The following RTN4R variants were observed in gnomAD, a reference collection of about 807,000 sequenced individuals.
RTN4R encodes the protein reticulon 4 receptor.
RTN4R carries 4 observed loss-of-function variants against 27.7 expected under a neutral mutation model. That is an observed-to-expected ratio of 0.14 (90% CI 0.07 to 0.33). The LOEUF is 0.33. RTN4R is among the 10% of genes least tolerant of loss of function. The pLI is 1.00. For missense variants in RTN4R, 554 were observed against 671.5 expected (o/e 0.83, Z 1.93); for synonymous variants, 290 against 305.6 (o/e 0.95, Z 0.53).
rs1457325051 is a variant in RTN4R, at chr22:20,242,446, C to G, written c.687G>C (p.Met229Ile). 1.9e-6 allele frequency: 3 copies of G among 1,613,564 alleles called. No homozygotes were observed. Among genetic ancestry groups the G allele is most frequent in the Non-Finnish European group, 1.7e-6 (2 of 1,179,982 alleles). ...GATTGTTGGCAAACAGATAGAGTGT[C>G]ATGAGGCGGCCAAGGTCACGGAAGG... ...PHAFRDLGRL[M>I]TLYLFANNLS... The change falls in exon 2 of 2, where the codon ATG becomes ATC. Residue 229 changes from methionine (M) to isoleucine (I), a missense_variant. By Grantham distance (10) the Met-to-Ile change is conservative. Coordinates refer to ENST00000043402, the MANE Select transcript of RTN4R (RefSeq NM_023004.6).
chr22:20,251,558 G>T (rs855077), intron 1 of RTN4R, among the ~76,000 whole-genome samples: 36,861 of 139,430 alleles, frequency 0.26, 5,212 homozygotes, highest in Non-Finnish European at 0.34. Flanking sequence ...ATAATCATCA[G>T]CAGCAGCATC....
In RTN4R at chr22:20,243,240, C is replaced by T. The variant is rs2051120280; in HGVS notation, c.23-130G>A. The T allele has an allele frequency of 8.2e-6, 7 of 850,872 alleles. No individual in the cohort carries two copies. In the South Asian group the frequency reaches 9.7e-5, roughly 12 times the overall value. 52.7% of individuals were successfully genotyped at this position (850,872 alleles called of 1,614,324 possible). ...CCTGGGGCTGGGTCCAAGATGTGGC[C>T]ACCACCCCCGGGAATCGCAGTGTTG... On this transcript the variant is annotated intron_variant, in intron 1 of 1. Transcript: ENST00000043402.
intron 1 of RTN4R, 143 bp downstream of exon 1, chr22:20,267,928 A>C (rs969207101): frequency 1.3e-5 from 5 of 394,538 alleles, no homozygotes; most frequent in Non-Finnish European, 1.6e-5. Context: ...CTGGCGCGGC[A>C]CTGCGGTGGC....
intron 1 of RTN4R, among the ~76,000 whole-genome samples, chr22:20,252,929 C>T (rs1170843026): frequency 1.3e-5 from 2 of 152,188 alleles, no homozygotes; most frequent in East Asian, 3.9e-4. Context: ...CCCAAAGAAA[C>T]CCCACCCAGG....
In RTN4R at chr22:20,257,189, C is replaced by T. The variant is rs1033422054; in HGVS notation, c.22+10882G>A. On this transcript the variant is annotated intron_variant, in intron 1 of 1. Coordinates refer to ENST00000043402, the MANE Select transcript of RTN4R (RefSeq NM_023004.6). The stretch of plus-strand genomic sequence containing the variant: ...GAGCCTTGGCCCACAGCCCATGAGG[C>T]AACGGATGTTCCTGGGTTGGGGGCA... Among the ~76,000 whole-genome samples, 17 of 152,384 alleles carry T rather than the reference C, an allele frequency of 1.1e-4. 1 individual carries two copies. Among genetic ancestry groups the T allele is most frequent in the Admixed American group, 9.1e-4 (14 of 15,310 alleles).
chr22:20,244,417 A>T (rs1207251198), intron 1 of RTN4R, among the ~76,000 whole-genome samples: 1 of 152,218 alleles, frequency 6.6e-6, no homozygotes, highest in African/African-American at 2.4e-5. Context: ...CAGCACGCGC[A>T]GTGACCGCTG....
chr22:20,257,148 G>A (rs1311966800), intron 1 of RTN4R, among the ~76,000 whole-genome samples: 1 of 152,250 alleles, frequency 6.6e-6, no homozygotes, highest in East Asian at 1.9e-4. Flanking sequence ...TCCCCAGGAT[G>A]TCCAGCCCTG....
chr22:20,251,769 C>T (rs1194916735), intron 1 of RTN4R, among the ~76,000 whole-genome samples: 3 of 147,808 alleles, frequency 2.0e-5, no homozygotes, highest in African/African-American at 7.4e-5. Flanking sequence ...TCATCCTCAT[C>T]ACCATCCTCA....
chr22:20,260,550 C>T (rs2051239644), intron 1 of RTN4R, among the ~76,000 whole-genome samples: 1 of 152,174 alleles, frequency 6.6e-6, no homozygotes, highest in Non-Finnish European at 1.5e-5. Context: ...AGCCCTCCCT[C>T]GACAGCCGTG....
chr22:20,253,733 T>G (rs1009693760), intron 1 of RTN4R, among the ~76,000 whole-genome samples: 1 of 152,154 alleles, frequency 6.6e-6, no homozygotes, highest in African/African-American at 2.4e-5. Flanking sequence ...ATCTAATTTG[T>G]GTCTTCCTAG....
rs539066384 is a variant in RTN4R at position 20,261,137 on chromosome 22, G to A, written c.22+6934C>T. Among the ~76,000 whole-genome samples, 411 of 152,332 alleles carry A rather than the reference G, an allele frequency of 2.7e-3. 6 individuals are homozygous for A. The highest frequency in any genetic ancestry group is 2.1e-3 in the Non-Finnish European group (144 of 68,016). On this transcript the variant is annotated intron_variant, in intron 1 of 1. Coordinates refer to ENST00000043402, the MANE Select transcript of RTN4R (RefSeq NM_023004.6). ...CTGTACCCACCAGGGTTCAGCAGAGGCTCCTGCTCCAGGCAGTACAGTGGG... is the reference window on the plus strand; with the variant it reads ...CTGTACCCACCAGGGTTCAGCAGAGACTCCTGCTCCAGGCAGTACAGTGGG...
intron 1 of RTN4R, among the ~76,000 whole-genome samples, chr22:20,247,947 T>C (rs1030430932): frequency 6.6e-6 from 1 of 152,124 alleles, no homozygotes; most frequent in Non-Finnish European, 1.5e-5. Flanking sequence ...GGCTCCACTC[T>C]TTGCCCTGGC....
At chr22:20,252,129 TATC>T (rs1230612345) in intron 1 of RTN4R, among the ~76,000 whole-genome samples, 16 of 143,810 alleles carry the variant, frequency 1.1e-4, no homozygotes, top group Non-Finnish European at 2.0e-4. Flanking sequence ...TCCTCATCAC[TATC>T]ATCATCACCA....
intron 1 of RTN4R, among the ~76,000 whole-genome samples, chr22:20,247,138 G>T (rs142081947): frequency 6.6e-6 from 1 of 152,098 alleles, no homozygotes; most frequent in African/African-American, 2.4e-5. Context: ...ATGGGTGGCC[G>T]GGAGGGGAAT....
intron 1 of RTN4R, among the ~76,000 whole-genome samples, chr22:20,266,080 CG>C (rs1339285415): frequency 3.3e-5 from 5 of 152,260 alleles, no homozygotes; most frequent in Non-Finnish European, 7.3e-5. Flanking sequence ...TTCCCACCCC[CG>C]GCATGGGAGC....
At chr22:20,264,902 A>G (rs2051268604) in intron 1 of RTN4R, among the ~76,000 whole-genome samples, 1 of 152,188 alleles carries the variant, frequency 6.6e-6, no homozygotes, top group African/African-American at 2.4e-5. Context: ...AAGTGTCAGG[A>G]GCCCTCACTA....
At chr22:20,256,437 C>T (rs2051212581) in intron 1 of RTN4R, among the ~76,000 whole-genome samples, 1 of 152,224 alleles carries the variant, frequency 6.6e-6, no homozygotes, top group South Asian at 2.1e-4. Context: ...GGCCACCCCA[C>T]GGTGGCTTCT....
chr22:20,241,813 C>A lies in RTN4R; in HGVS notation c.1320G>T (p.Gly440=), dbSNP rs916973797. The change falls in exon 2 of 2, where the codon GGG becomes GGT. Residue 440 remains glycine, a synonymous_variant. Coordinates refer to ENST00000043402, the MANE Select transcript of RTN4R (RefSeq NM_023004.6). ...CACCTGAGCCTTCTGAGTCACCAGTCCCGCCACCCCCGCTGCCTGCCTGGC... is the reference window on the plus strand; with the variant it reads ...CACCTGAGCCTTCTGAGTCACCAGTACCGCCACCCCCGCTGCCTGCCTGGC... ...RLGQAGSGGG[G]TGDSEGSGAL... The A allele has an allele frequency of 1.9e-6, 3 of 1,581,296 alleles. No homozygotes were observed. In the Middle Eastern group the frequency reaches 5.0e-4, roughly 262 times the overall value.
At chr22:20,251,329 G>T (rs375475098) in intron 1 of RTN4R, among the ~76,000 whole-genome samples, 4 of 152,232 alleles carry the variant, frequency 2.6e-5, no homozygotes, top group African/African-American at 9.6e-5. Flanking sequence ...ACTTGGTGCA[G>T]GAAACAAGAG....
Sources: allele counts gnomAD v4.1 joint callset (sites outside exome capture counted in the v4.1 genomes callset), GRCh38; gene constraint gnomAD v4.1.1; transcripts MANE v1.5; gene names NCBI Gene and HGNC (gene_info 2026-07-23, HGNC 2026-07-21).